Variants in MGAT4A observed in about 807,000 individuals in gnomAD.
MGAT4A encodes alpha-1,3-mannosyl-glycoprotein 4-beta-N-acetylglucosaminyltransferase A.
MGAT4A carries 33 observed loss-of-function variants against 74.1 expected under a neutral mutation model. That is an observed-to-expected ratio of 0.45 (90% CI 0.34 to 0.60). The LOEUF is 0.60. Among genes scored for constraint, MGAT4A ranks in the 20% least tolerant of loss-of-function variants. The pLI is 0.02. For missense variants in MGAT4A, 479 were observed against 628.3 expected (o/e 0.76, Z 2.54); for synonymous variants, 198 against 210.4 (o/e 0.94, Z 0.51).
At chr2:98,725,425 C>T (rs1202831638) in intron 2 of MGAT4A, among the ~76,000 whole-genome samples, 1 of 152,132 alleles carries the variant, frequency 6.6e-6, no homozygotes, top group Non-Finnish European at 1.5e-5. Context: ...CAGTTGTCTT[C>T]ATGAGTCAAT....
chr2:98,681,889 T>C (rs1182237804), intron 2 of MGAT4A, among the ~76,000 whole-genome samples: 1 of 151,902 alleles, frequency 6.6e-6, no homozygotes, highest in East Asian at 1.9e-4. Flanking sequence ...AAGAAAAAAA[T>C]GACAGGACTT....
intron 8 of MGAT4A, 60 bp from the exon 9 acceptor site, chr2:98,645,602 A>G: frequency 5.8e-6 from 7 of 1,196,980 alleles, no homozygotes; most frequent in Non-Finnish European, 6.7e-6. Flanking sequence ...TGAGAGAAGG[A>G]TATTATTATG....
intron 2 of MGAT4A, among the ~76,000 whole-genome samples, chr2:98,688,091 CCTT>C (rs1702151484): frequency 6.6e-6 from 1 of 152,164 alleles, no homozygotes; most frequent in African/African-American, 2.4e-5. Context: ...TCTGACTCCT[CCTT>C]AACCCTCAGT....
rs556378796 is a variant in MGAT4A, at chr2:98,637,149, A to G, written c.1323-554T>C. 3.1e-3 allele frequency among the ~76,000 whole-genome samples: 477 copies of G among 152,122 alleles called. 2 individuals are homozygous for G. Among genetic ancestry groups the G allele is most frequent in the South Asian group, 0.011 (53 of 4,818 alleles). ...ACACAGTGAGACCTCGTCGCTACAA[A>G]AAAATTAAAAAATTAGCCAGGCATG... On this transcript the variant is annotated intron_variant, in intron 12 of 15. Transcript: ENST00000393487.
chr2:98,700,618 C>T (rs897575627), intron 2 of MGAT4A, among the ~76,000 whole-genome samples: 16 of 151,974 alleles, frequency 1.1e-4, no homozygotes, highest in African/African-American at 2.4e-4. Context: ...TGGCTGGGCG[C>T]GGTGGCTCAT....
Position 98,707,317 on chromosome 2 carries a change from G to A in MGAT4A, c.94+18922C>T, listed in dbSNP as rs527788331. On this transcript the variant is annotated intron_variant, in intron 2 of 15. Transcript: ENST00000393487. ...TTTTTTAAAATTTAAATGGGGTAGG[G>A]TGGCATGCAGGCATGGCCTCTGCCT... 3.3e-5 allele frequency among the ~76,000 whole-genome samples: 5 copies of A among 152,230 alleles called. No individual in the cohort carries two copies. In the South Asian group the frequency reaches 1.0e-3, roughly 32 times the overall value.
At chr2:98,636,273 G>T (rs755826416) in intron 13 of MGAT4A, among the ~76,000 whole-genome samples, 1 of 151,980 alleles carries the variant, frequency 6.6e-6, no homozygotes, top group Non-Finnish European at 1.5e-5. Context: ...GATTACAGAC[G>T]TGAGCCACCG....
chr2:98,628,618 T>C (rs1348909247), intron 14 of MGAT4A, among the ~76,000 whole-genome samples: 3 of 152,232 alleles, frequency 2.0e-5, no homozygotes, highest in African/African-American at 4.8e-5. Flanking sequence ...GGGAGTATCA[T>C]TGTATTTAGC....
At position 98,643,956 on chromosome 2, in the gene MGAT4A, G is replaced by C; in HGVS notation, c.987C>G (p.Leu329=). Residue 329 remains leucine, a synonymous_variant, in exon 10 of 16, where the codon CTC becomes CTG. Transcript: ENST00000393487. ...KPIDWLLDHI[L]WVKVCNPEKD... Reference sequence around the variant, plus strand: ...TTTCAGGGTTGCAGACTTTCACCCAGAGAATATGGTCCAGGAGCCAATCAA... The same window carrying C: ...TTTCAGGGTTGCAGACTTTCACCCACAGAATATGGTCCAGGAGCCAATCAA... 1 of 1,571,128 alleles carries C rather than the reference G, an allele frequency of 6.4e-7. No homozygotes were observed. The highest frequency in any genetic ancestry group is 8.7e-7 in the Non-Finnish European group (1 of 1,152,338).
At chr2:98,646,867 T>C (rs1290338863) in intron 8 of MGAT4A, among the ~76,000 whole-genome samples, 1 of 152,218 alleles carries the variant, frequency 6.6e-6, no homozygotes, top group South Asian at 2.1e-4. Context: ...TGGGCTTCTA[T>C]TGAGCCCACC....
intron 6 of MGAT4A, among the ~76,000 whole-genome samples, chr2:98,657,357 A>C (rs982181887): frequency 6.6e-6 from 1 of 152,206 alleles, no homozygotes; most frequent in African/African-American, 2.4e-5. Context: ...ATAAGCCCAC[A>C]GACTTGCCCC....
chr2:98,647,012 T>C (rs1176131122), intron 8 of MGAT4A, among the ~76,000 whole-genome samples: 1 of 152,242 alleles, frequency 6.6e-6, no homozygotes, highest in Admixed American at 6.5e-5. Flanking sequence ...AGCCTTTCTT[T>C]AAGAACTGTT....
chr2:98,708,037 A>C (rs1362981199), intron 2 of MGAT4A, among the ~76,000 whole-genome samples: 1 of 152,192 alleles, frequency 6.6e-6, no homozygotes, highest in Non-Finnish European at 1.5e-5. Context: ...AGTTGCCTCA[A>C]GTTTACTTTA....
intron 2 of MGAT4A, among the ~76,000 whole-genome samples, chr2:98,715,628 C>A (rs576868661): frequency 6.6e-6 from 1 of 152,240 alleles, no homozygotes; most frequent in Non-Finnish European, 1.5e-5. Context: ...ACAACACACA[C>A]TGGGGCCTTT....
At chr2:98,669,153 G>A (rs1701877427) in intron 4 of MGAT4A, among the ~76,000 whole-genome samples, 1 of 152,152 alleles carries the variant, frequency 6.6e-6, no homozygotes, top group African/African-American at 2.4e-5. Flanking sequence ...AGATTTGGGA[G>A]GGGCCAGGGG....
chr2:98,696,491 T>C (rs1199374013), intron 2 of MGAT4A, among the ~76,000 whole-genome samples: 2 of 152,248 alleles, frequency 1.3e-5, no homozygotes, highest in African/African-American at 4.8e-5. Flanking sequence ...GTTCTGGTAT[T>C]CACTTTACTA....
At chr2:98,707,000 G>A (rs1702448682) in intron 2 of MGAT4A, among the ~76,000 whole-genome samples, 1 of 151,998 alleles carries the variant, frequency 6.6e-6, no homozygotes, top group African/African-American at 2.4e-5. Flanking sequence ...CAGAACACTT[G>A]AGCTCAGAAG....
At chr2:98,723,568 C>T (rs778141588) in intron 2 of MGAT4A, among the ~76,000 whole-genome samples, 2 of 152,192 alleles carry the variant, frequency 1.3e-5, no homozygotes, top group Admixed American at 1.3e-4. Context: ...TGAATCCATA[C>T]AAGAACCTTG....
chr2:98,724,121 T>C (rs765896813), intron 2 of MGAT4A, among the ~76,000 whole-genome samples: 1 of 152,192 alleles, frequency 6.6e-6, no homozygotes, highest in Non-Finnish European at 1.5e-5. Flanking sequence ...GGCATAAAAT[T>C]ACTTATTGCT....
Sources: allele counts gnomAD v4.1 joint callset (sites outside exome capture counted in the v4.1 genomes callset), GRCh38; gene constraint gnomAD v4.1.1; transcripts MANE v1.5; gene names NCBI Gene and HGNC (gene_info 2026-07-23, HGNC 2026-07-21).